The following FBXO47 variants were observed in gnomAD, a reference collection of about 807,000 sequenced individuals.
FBXO47 encodes F-box protein 47.
In FBXO47, 34 loss-of-function variants were observed where a neutral mutation model predicts 53.9. The ratio of observed to expected loss-of-function variants is 0.63; its 90% CI spans 0.48 to 0.84. The LOEUF (loss-of-function observed/expected upper bound fraction) is 0.84, where lower values mean the gene tolerates loss of function less well. Among genes scored for constraint, FBXO47 ranks in the 40% least tolerant of loss-of-function variants. The pLI, the probability that FBXO47 is intolerant of heterozygous loss-of-function variation, is 0.00. For synonymous variants in FBXO47, 165 were observed against 181.6 expected (o/e 0.91, Z 0.73); for missense variants, 485 against 541.3 (o/e 0.90, Z 1.03).
intron 9 of FBXO47, among the ~76,000 whole-genome samples, chr17:38,942,027 TAGAG>T (rs534929007): frequency 4.0e-4 from 61 of 152,136 alleles, no homozygotes; most frequent in African/African-American, 1.3e-3. Context: ...TATACAAAAT[TAGAG>T]AGAATAATAT....
chr17:38,955,537 G>A (rs1210280590), intron 4 of FBXO47, among the ~76,000 whole-genome samples: 4 of 151,754 alleles, frequency 2.6e-5, no homozygotes, highest in African/African-American at 9.7e-5. Context: ...TCTGCCTCCT[G>A]GGTTCAAGTG....
At chr17:38,965,088 G>A (rs751176043) in intron 1 of FBXO47, among the ~76,000 whole-genome samples, 2 of 152,204 alleles carry the variant, frequency 1.3e-5, no homozygotes, top group African/African-American at 4.8e-5. Context: ...GACCTCAGGT[G>A]AGCCACCAGC....
Position 38,951,570 on chromosome 17 carries a change from T to C in FBXO47, c.616+11A>G, listed in dbSNP as rs1423130099. The stretch of plus-strand genomic sequence containing the variant: ...ATCTCTGTATATTATATGCAAATTA[T>C]AGTTTTTTACCTGGTTTGCTGCAGA... On this transcript the variant is annotated intron_variant, in intron 6 of 10. Coordinates refer to ENST00000378079, the MANE Select transcript of FBXO47 (RefSeq NM_001008777.3). 6 of 1,568,210 alleles carry C rather than the reference T, an allele frequency of 3.8e-6. No homozygotes were observed. Among genetic ancestry groups the C allele is most frequent in the South Asian group, 2.2e-5 (2 of 89,036 alleles).
intron 6 of FBXO47, among the ~76,000 whole-genome samples, chr17:38,947,293 T>C (rs115704594): frequency 0.025 from 3,731 of 149,116 alleles, 156 homozygotes; most frequent in African/African-American, 0.089. Context: ...GAGCTAGACT[T>C]TGTCTAAACA....
intron 5 of FBXO47, 90 bp downstream of exon 5, chr17:38,954,766 T>C: frequency 4.4e-6 from 3 of 688,002 alleles, no homozygotes; most frequent in Non-Finnish European, 7.2e-6. Flanking sequence ...TTATTATAAC[T>C]TTATTAACCT....
chr17:38,947,133 T>C (rs967070010), intron 6 of FBXO47, among the ~76,000 whole-genome samples: 136 of 140,474 alleles, frequency 9.7e-4, no homozygotes, highest in African/African-American at 3.2e-3. Flanking sequence ...TATATATAAA[T>C]ATATATATAT....
chr17:38,943,955 G>T (rs778514699), intron 7 of FBXO47, among the ~76,000 whole-genome samples: 4 of 152,134 alleles, frequency 2.6e-5, no homozygotes, highest in Non-Finnish European at 5.9e-5. Context: ...ACTTTAGGAG[G>T]CCGAGGTAGG....
intron 5 of FBXO47, among the ~76,000 whole-genome samples, chr17:38,953,740 GACTA>G (rs1905419155): frequency 6.6e-6 from 1 of 152,162 alleles, no homozygotes; most frequent in Non-Finnish European, 1.5e-5. Context: ...CAAGGAGAGA[GACTA>G]ACTTTTTACT....
Position 38,944,848 on chromosome 17 carries a change from ATGTGTGTGTG to A in FBXO47, c.793+102_793+111del, listed in dbSNP as rs71300085. 6 of 616,908 alleles carry A rather than the reference ATGTGTGTGTG, an allele frequency of 9.7e-6. No individual in the cohort carries two copies. The South Asian group carries it at 1.1e-4, about 11-fold the overall frequency. The allele number at this position is 616,908 out of a possible 1,614,324, so 38.2% of individuals were successfully genotyped here. On this transcript the variant is annotated intron_variant, in intron 7 of 10. Transcript: ENST00000378079. ...ATCGCACCACTGTGTGCGTGCATGCATGTGTGTGTGTGTGTGTGTGTGTATAATATATGCT... is the reference window on the plus strand; with the variant it reads ...ATCGCACCACTGTGTGCGTGCATGCATGTGTGTGTGTGTATAATATATGCT...
intron 3 of FBXO47, among the ~76,000 whole-genome samples, chr17:38,959,886 A>G (rs1313340905): frequency 6.6e-6 from 1 of 152,096 alleles, no homozygotes; most frequent in African/African-American, 2.4e-5. Context: ...ATGTCCTCAA[A>G]CTAAAAATAA....
At chr17:38,955,280 C>G (rs2143946482) in intron 4 of FBXO47, among the ~76,000 whole-genome samples, 1 of 150,664 alleles carries the variant, frequency 6.6e-6, no homozygotes, top group East Asian at 2.0e-4. Flanking sequence ...CCCAGCTACT[C>G]AGGAGGCTGA....
At position 38,951,671 on chromosome 17, in the gene FBXO47, C is replaced by T. The variant is rs772814791; in HGVS notation, c.526G>A (p.Asp176Asn). Reference sequence around the variant, plus strand: ...TAAACGCGATGGCACTCAAGTTCATCCCAACCTGCTGTTAAGGTCTGAGGA... The same window carrying T: ...TAAACGCGATGGCACTCAAGTTCATTCCAACCTGCTGTTAAGGTCTGAGGA... ...MFLQTLTAGW[D>N]ELECHRVYNF... The change falls in exon 6 of 11, where the codon GAT becomes AAT. Residue 176 changes from aspartate to asparagine, a missense_variant. Transcript: ENST00000378079. The T allele has an allele frequency of 2.5e-6, 4 of 1,612,942 alleles. No individual in the cohort carries two copies. The highest frequency in any genetic ancestry group is 3.4e-6 in the Non-Finnish European group (4 of 1,179,266).
In FBXO47 at chr17:38,957,171, T is replaced by C. The variant is rs752662847; in HGVS notation, c.429+6A>G. 1.3e-5 allele frequency: 21 copies of C among 1,571,070 alleles called. No individual in the cohort carries two copies. In the South Asian group the frequency reaches 2.2e-4, roughly 17 times the overall value. On this transcript the variant is annotated splice_donor_region_variant and intron_variant, in intron 4 of 10. Coordinates refer to ENST00000378079, the MANE Select transcript of FBXO47 (RefSeq NM_001008777.3). ...ATTGTAAACTAATTTAGAAGTATGA[T>C]CTTACTTCTGTGAGTATCTTGTGAA... is the stretch of plus-strand genomic sequence containing the variant.
intron 6 of FBXO47, among the ~76,000 whole-genome samples, chr17:38,948,481 C>T (rs973476369): frequency 1.3e-5 from 2 of 152,050 alleles, no homozygotes; most frequent in East Asian, 3.9e-4. Context: ...TCCCAAAGTG[C>T]TGGGATTACA....
intron 7 of FBXO47, 85 bp from the exon 8 acceptor site, chr17:38,943,821 T>C (rs1904616817): frequency 6.1e-6 from 7 of 1,146,524 alleles, no homozygotes; most frequent in Non-Finnish European, 7.5e-6. Flanking sequence ...AATTGCACAA[T>C]GGAATCCCAT....
chr17:38,941,551 C>T lies in FBXO47; in HGVS notation c.1083+1227G>A, dbSNP rs188884473. On this transcript the variant is annotated intron_variant, in intron 9 of 10. Transcript: ENST00000378079. Reference sequence around the variant, plus strand: ...CTCGAACTCCTGGGCTCAAGAATCTCATAATTTATGGCCCATAGTAAGCAC... The same window carrying T: ...CTCGAACTCCTGGGCTCAAGAATCTTATAATTTATGGCCCATAGTAAGCAC... 3.1e-3 allele frequency among the ~76,000 whole-genome samples: 457 copies of T among 149,318 alleles called. 2 individuals are homozygous for T. The highest frequency in any genetic ancestry group is 0.011 in the African/African-American group (435 of 40,506).
At position 38,944,953 on chromosome 17, in the gene FBXO47, T is replaced by G; in HGVS notation, c.793+7A>C. The G allele has an allele frequency of 6.2e-7, 1 of 1,610,032 alleles. No individual in the cohort carries two copies. The highest frequency in any genetic ancestry group is 8.5e-7 in the Non-Finnish European group (1 of 1,176,812). On this transcript the variant is annotated splice_region_variant and intron_variant, in intron 7 of 10. Transcript: ENST00000378079. The stretch of plus-strand genomic sequence containing the variant: ...TTATGTTACAACCCTGAAAGATGGG[T>G]GCTCACCATCTTGAGGAGATATTGG...
chr17:38,957,051 A>G (rs905751337), intron 4 of FBXO47, 126 bp downstream of exon 4: 25 of 592,140 alleles, frequency 4.2e-5, no homozygotes, highest in Non-Finnish European at 7.1e-5. Flanking sequence ...TTAGATTATA[A>G]TAAATCAATT....
At chr17:38,942,174 CT>C (rs1567714432) in intron 9 of FBXO47, among the ~76,000 whole-genome samples, 3 of 151,994 alleles carry the variant, frequency 2.0e-5, no homozygotes, top group Admixed American at 1.3e-4. Context: ...AAATGGGATG[CT>C]TTTTTTAACA....
Sources: allele counts gnomAD v4.1 joint callset (sites outside exome capture counted in the v4.1 genomes callset), GRCh38; gene constraint gnomAD v4.1.1; transcripts MANE v1.5; gene names NCBI Gene and HGNC (gene_info 2026-07-23, HGNC 2026-07-21).